PLB1: variants seen among roughly 807,000 people sequenced by gnomAD.
The protein encoded by PLB1 is phospholipase B1, membrane-associated.
PLB1 carries 242 observed loss-of-function variants against 227.4 expected under a neutral mutation model. The ratio of observed to expected loss-of-function variants is 1.06; its 90% CI spans 0.96 to 1.18. The LOEUF (loss-of-function observed/expected upper bound fraction) is 1.18. PLB1 is among the 50% of genes most tolerant of loss of function. The pLI is 0.00. For missense variants in PLB1, 1,858 were observed against 1,816.3 expected, an observed-to-expected ratio of 1.02 and a Z score of -0.42; for synonymous variants, 757 against 682.2, an observed-to-expected ratio of 1.11 and a Z score of -1.71.
chr2:28,571,738 C>T (rs1573053911), intron 20 of PLB1, among the ~76,000 whole-genome samples: 1 of 152,120 alleles, frequency 6.6e-6, no homozygotes, highest in East Asian at 1.9e-4. Flanking sequence ...TAGATAGTTA[C>T]ACACAGAAAA....
rs562618398 is a variant in PLB1, at chr2:28,570,064, C to G, written c.1325-3133C>G. 5.3e-5 allele frequency among the ~76,000 whole-genome samples: 8 copies of G among 152,006 alleles called. No individual in the cohort carries two copies. The South Asian group carries it at 1.7e-3, about 32-fold the overall frequency. On this transcript the variant is annotated intron_variant, in intron 20 of 57. Transcript: ENST00000327757. The stretch of plus-strand genomic sequence containing the variant: ...TTAAAACTTCCCACCAAAAAAAGCC[C>G]AGACTGTCTCTGACTTCGCTGGTGA...
intron 1 of PLB1, among the ~76,000 whole-genome samples, chr2:28,504,245 A>G (rs996771378): frequency 6.6e-6 from 1 of 152,334 alleles, no homozygotes; most frequent in East Asian, 1.9e-4. Flanking sequence ...CTGCATTCTA[A>G]GTAATTTATT....
At chr2:28,621,797 AT>A (rs1558938133) in intron 49 of PLB1, among the ~76,000 whole-genome samples, 2 of 152,068 alleles carry the variant, frequency 1.3e-5, no homozygotes, top group African/African-American at 4.8e-5. Flanking sequence ...GGAAGAAATT[AT>A]TTTTCTGCAA....
intron 17 of PLB1, among the ~76,000 whole-genome samples, chr2:28,559,585 G>T (rs892737067): frequency 6.6e-6 from 1 of 152,092 alleles, no homozygotes; most frequent in Non-Finnish European, 1.5e-5. Flanking sequence ...AGACCTGGAA[G>T]TCCCTTGAGT....
Position 28,496,174 on chromosome 2 carries a change from G to A in PLB1, c.55+5G>A, listed in dbSNP as rs1393279254. 1.2e-6 allele frequency: 2 copies of A among 1,613,900 alleles called. No homozygotes were observed. The highest frequency in any genetic ancestry group is 2.2e-5 in the East Asian group (1 of 44,880). ...TGCTGCTGCTTCTGGGGCAAGGTAAGCGTGCCTTTTGCTCAGAGGACAACC... is the reference window on the plus strand; with the variant it reads ...TGCTGCTGCTTCTGGGGCAAGGTAAACGTGCCTTTTGCTCAGAGGACAACC... On this transcript the variant is annotated splice_donor_5th_base_variant and intron_variant, in intron 1 of 57. Coordinates refer to ENST00000327757, the MANE Select transcript of PLB1 (RefSeq NM_153021.5).
chr2:28,630,296 A>T (rs1688421152), intron 53 of PLB1, among the ~76,000 whole-genome samples: 1 of 152,190 alleles, frequency 6.6e-6, no homozygotes, highest in Non-Finnish European at 1.5e-5. Context: ...AGGAAGGGGA[A>T]TAGGCGTTCT....
chr2:28,543,388 G>C, intron 14 of PLB1, 120 bp downstream of exon 14: 1 of 988,922 alleles, frequency 1.0e-6, no homozygotes, highest in Non-Finnish European at 1.5e-6. Context: ...CAATGGTTCT[G>C]GGCCACCAGG....
chr2:28,496,182 T>G lies in PLB1; in HGVS notation c.55+13T>G. The G allele has an allele frequency of 6.2e-7, 1 of 1,613,454 alleles. No individual in the cohort carries two copies. The highest frequency in any genetic ancestry group is 2.2e-5 in the East Asian group (1 of 44,872). On this transcript the variant is annotated intron_variant, in intron 1 of 57. Transcript: ENST00000327757. ...CTTCTGGGGCAAGGTAAGCGTGCCT[T>G]TTGCTCAGAGGACAACCAGTGGTTT...
intron 44 of PLB1, among the ~76,000 whole-genome samples, chr2:28,615,478 G>T (rs1686065405): frequency 6.6e-6 from 1 of 152,172 alleles, no homozygotes; most frequent in Non-Finnish European, 1.5e-5. Context: ...GCCAGCTGAA[G>T]AAACTAACCC....
At chr2:28,529,524 A>G in intron 7 of PLB1, 117 bp downstream of exon 7, 2 of 1,021,630 alleles carry the variant, frequency 2.0e-6, no homozygotes, top group Non-Finnish European at 2.9e-6. Context: ...GAAGTATTTA[A>G]GTCAAAGCCC....
At chr2:28,641,912 A>G (rs889741103) in intron 57 of PLB1, among the ~76,000 whole-genome samples, 1 of 152,088 alleles carries the variant, frequency 6.6e-6, no homozygotes, top group African/African-American at 2.4e-5. Context: ...CATTGACCAG[A>G]GTCTGGAGGG....
intron 49 of PLB1, among the ~76,000 whole-genome samples, chr2:28,623,329 T>A (rs1276719503): frequency 6.6e-6 from 1 of 152,144 alleles, no homozygotes; most frequent in Middle Eastern, 3.2e-3. Context: ...TAGGACTTGG[T>A]CTGGGCCTGA....
Position 28,566,833 on chromosome 2 carries a change from C to T in PLB1, c.1318C>T (p.Leu440=). ...TGAGAACATCGGCACCGTTACCACC[C>T]TGGCGAGTGAGTACGCGGCGGCGGC... ...GDENIGTVTT[L]ANILREFNPS... is the part of the protein sequence containing the mutation. Residue 440 remains leucine (L), a synonymous_variant, in exon 20 of 58, where the codon CTG becomes TTG. Coordinates refer to ENST00000327757, the MANE Select transcript of PLB1 (RefSeq NM_153021.5). 1 of 1,614,054 alleles carries T rather than the reference C, an allele frequency of 6.2e-7. No individual in the cohort carries two copies. The highest frequency in any genetic ancestry group is 8.5e-7 in the Non-Finnish European group (1 of 1,180,020).
At chr2:28,633,919 TCA>T (rs1688993826) in intron 56 of PLB1, among the ~76,000 whole-genome samples, 2 of 152,228 alleles carry the variant, frequency 1.3e-5, no homozygotes, top group South Asian at 4.1e-4. Flanking sequence ...GCTCCTTTTA[TCA>T]CAGTTTCAGG....
intron 14 of PLB1, among the ~76,000 whole-genome samples, chr2:28,543,887 A>AG (rs1460878026): frequency 6.6e-6 from 1 of 152,302 alleles, no homozygotes; most frequent in East Asian, 1.9e-4. Context: ...CAGATTCCAA[A>AG]GGGCCCCCAG....
At chr2:28,623,566 A>G (rs987400299) in intron 49 of PLB1, among the ~76,000 whole-genome samples, 5 of 152,148 alleles carry the variant, frequency 3.3e-5, no homozygotes, top group Non-Finnish European at 5.9e-5. Context: ...AGATCTGTAA[A>G]TTCTCCTTAA....
At chr2:28,591,792 G>A (rs765425058) in intron 31 of PLB1, 32 bp downstream of exon 31, 6 of 1,608,484 alleles carry the variant, frequency 3.7e-6, no homozygotes, top group African/African-American at 1.3e-5. Context: ...AGGACCCAGG[G>A]CCCCTCCACA....
At chr2:28,567,174 C>T (rs1248503240) in intron 20 of PLB1, among the ~76,000 whole-genome samples, 2 of 152,066 alleles carry the variant, frequency 1.3e-5, no homozygotes, top group Non-Finnish European at 1.5e-5. Flanking sequence ...AATAATCTGG[C>T]ATGAGATTAG....
rs1356650387 is a variant in PLB1 at position 28,601,168 on chromosome 2, T to C, written c.2527-84T>C. ...TTATTTCAAGTGGGCAAGGATGTTA[T>C]AGAGGGTTGAATGGATTTCCTAGGG... On this transcript the variant is annotated intron_variant, in intron 36 of 57. Transcript: ENST00000327757. 6 of 1,160,810 alleles carry C rather than the reference T, an allele frequency of 5.2e-6. No homozygotes were observed. The African/African-American group carries it at 6.1e-5, about 12-fold the overall frequency. The allele number at this position is 1,160,810 out of a possible 1,614,324, so 71.9% of individuals were successfully genotyped here.
Sources: allele counts gnomAD v4.1 joint callset (sites outside exome capture counted in the v4.1 genomes callset), GRCh38; gene constraint gnomAD v4.1.1; transcripts MANE v1.5; gene names NCBI Gene and HGNC (gene_info 2026-07-23, HGNC 2026-07-21).